Variants in B3GNT3 observed in about 807,000 individuals in gnomAD.
B3GNT3 encodes the protein N-acetyllactosaminide beta-1,3-N-acetylglucosaminyltransferase 3.
In B3GNT3, 7 loss-of-function variants were observed where a neutral mutation model predicts 11.6. That is an observed-to-expected ratio of 0.60 (90% CI 0.34 to 1.13). The LOEUF (loss-of-function observed/expected upper bound fraction) is 1.13. Among genes scored for constraint, B3GNT3 ranks in the 50% most tolerant of loss-of-function variants. The pLI is 0.03. For missense variants in B3GNT3, 400 were observed against 507.4 expected, an observed-to-expected ratio of 0.79 and a Z score of 2.03; for synonymous variants, 201 against 222.1, an observed-to-expected ratio of 0.90 and a Z score of 0.85.
intron 1 of B3GNT3, among the ~76,000 whole-genome samples, chr19:17,799,646 G>T (rs2094163601): frequency 6.6e-6 from 1 of 151,998 alleles, no homozygotes; most frequent in Non-Finnish European, 1.5e-5. Flanking sequence ...TGGAAGGTCA[G>T]TAGCTGGGTC....
At chr19:17,800,817 A>G (rs2094165202) in intron 1 of B3GNT3, among the ~76,000 whole-genome samples, 2 of 151,964 alleles carry the variant, frequency 1.3e-5, no homozygotes, top group Middle Eastern at 3.4e-3. Flanking sequence ...AAATACAAAA[A>G]TTAGCCGGGT....
intron 2 of B3GNT3, among the ~76,000 whole-genome samples, chr19:17,809,310 A>G (rs1806715174): frequency 6.6e-6 from 1 of 151,378 alleles, no homozygotes; most frequent in African/African-American, 2.4e-5. Flanking sequence ...TTGGTGGCTC[A>G]TGCCTGTAAT....
intron 1 of B3GNT3, 46 bp from the exon 2 acceptor site, chr19:17,807,712 A>C (rs2094174944): frequency 8.1e-7 from 1 of 1,230,846 alleles, no homozygotes; most frequent in Non-Finnish European, 1.1e-6. Context: ...CCACAGGAAA[A>C]GCGCTTTGCT....
chr19:17,804,240 C>CTTTTTTTTTTTTTTTTTTTTTTTTT (rs773524591), intron 1 of B3GNT3, among the ~76,000 whole-genome samples: 1 of 112,188 alleles, frequency 8.9e-6, no homozygotes, highest in Non-Finnish European at 1.8e-5. Flanking sequence ...TCTTTTTTTT[C>CTTTTTTTTTTTTTTTTTTTTTTTTT]TTTTTTTTTT....
At position 17,811,949 on chromosome 19, in the gene B3GNT3, G is replaced by A. The variant is rs199889880; in HGVS notation, c.946G>A (p.Gly316Ser). 84 of 1,611,010 alleles carry A rather than the reference G, an allele frequency of 5.2e-5. No homozygotes were observed. Among genetic ancestry groups the A allele is most frequent in the Non-Finnish European group, 6.8e-5 (80 of 1,180,010 alleles). The change falls in exon 3 of 3, where the codon GGC becomes AGC. Residue 316 changes from glycine (G) to serine (S), a missense_variant. By Grantham distance (56) the Gly-to-Ser change is moderately conservative. Transcript: ENST00000318683. This position sits in a 1 kb window ranked among gnomAD's most constrained non-coding sequence, Gnocchi z 4.1. ...GGGACTGAAGCCTGCCTCCCACAGC[G>A]GCATCCGCACGTCTGGCGTGCGGGC... ...LEGLKPASHSGIRTSGVRAPS... is the reference protein window; with the variant it reads ...LEGLKPASHSSIRTSGVRAPS...
chr19:17,805,804 AT>A (rs578162993), intron 1 of B3GNT3, among the ~76,000 whole-genome samples: 29 of 147,796 alleles, frequency 2.0e-4, no homozygotes, highest in South Asian at 6.4e-4. Flanking sequence ...ATCATTTACA[AT>A]TTTTTTTTTT....
In B3GNT3 at chr19:17,811,988, C is replaced by G. The variant is rs765094386; in HGVS notation, c.985C>G (p.Leu329Val). 1 of 1,603,266 alleles carries G rather than the reference C, an allele frequency of 6.2e-7. No homozygotes were observed. Among genetic ancestry groups the G allele is most frequent in the Non-Finnish European group, 8.5e-7 (1 of 1,179,982 alleles). ...TSGVRAPSQR[L>V]SSFDPCFYRD... ...TGGCGTGCGGGCTCCATCGCAACGC[C>G]TGTCCTCCTTTGACCCCTGCTTCTA... The change falls in exon 3 of 3, where the codon CTG (leucine) becomes GTG (valine). Residue 329 changes from leucine to valine, a missense_variant. Transcript: ENST00000318683. The surrounding 1 kb of genome is among the most constrained non-coding windows in gnomAD (Gnocchi z 4.1).
chr19:17,809,758 T>A (rs1006887207), intron 2 of B3GNT3, among the ~76,000 whole-genome samples: 1 of 151,950 alleles, frequency 6.6e-6, no homozygotes, highest in Non-Finnish European at 1.5e-5. Flanking sequence ...CTCGTCTCTA[T>A]TTTTTTAAAA....
chr19:17,809,173 T>C (rs1046785904), intron 2 of B3GNT3, among the ~76,000 whole-genome samples: 47 of 151,874 alleles, frequency 3.1e-4, no homozygotes, highest in African/African-American at 1.0e-3. Context: ...TGTCTCCCCA[T>C]GAGGCTGGGG....
chr19:17,800,512 C>T (rs1416579104), intron 1 of B3GNT3, among the ~76,000 whole-genome samples: 1 of 152,146 alleles, frequency 6.6e-6, no homozygotes, highest in Non-Finnish European at 1.5e-5. Flanking sequence ...GCTGCCAATG[C>T]CTACGATTCT....
At chr19:17,801,249 G>A (rs1222527943) in intron 1 of B3GNT3, among the ~76,000 whole-genome samples, 1 of 151,952 alleles carries the variant, frequency 6.6e-6, no homozygotes, top group African/African-American at 2.4e-5. Context: ...CTGGAGTACT[G>A]TGGCGAGATC....
intron 1 of B3GNT3, among the ~76,000 whole-genome samples, chr19:17,806,598 G>A (rs1371659107): frequency 6.6e-6 from 1 of 152,104 alleles, no homozygotes; most frequent in Non-Finnish European, 1.5e-5. Context: ...GGTGTTGGAA[G>A]GGAGTCTCCC....
Position 17,811,191 on chromosome 19 carries a change from G to T in B3GNT3, c.568-380G>T, listed in dbSNP as rs544905992. ...ATCATAGCGCTACACTCTAGCCTGG[G>T]CAATAGAGCAAGACCCTGTCTCAGA... is the stretch of plus-strand genomic sequence containing the variant. On this transcript the variant is annotated intron_variant, in intron 2 of 2. Transcript: ENST00000318683. The surrounding 1 kb of genome is among the most constrained non-coding windows in gnomAD (Gnocchi z 4.1). 1.5e-4 allele frequency among the ~76,000 whole-genome samples: 23 copies of T among 152,296 alleles called. No homozygotes were observed. The highest frequency in any genetic ancestry group is 2.6e-4 in the Non-Finnish European group (18 of 68,018).
intron 1 of B3GNT3, among the ~76,000 whole-genome samples, chr19:17,804,405 A>G (rs1309542895): frequency 1.4e-5 from 2 of 147,104 alleles, no homozygotes; most frequent in African/African-American, 5.1e-5. Context: ...ACACCCGGGT[A>G]ATTTTTGTAT....
chr19:17,801,814 A>C (rs1375805393), intron 1 of B3GNT3, among the ~76,000 whole-genome samples: 1 of 151,934 alleles, frequency 6.6e-6, no homozygotes, highest in Non-Finnish European at 1.5e-5. Flanking sequence ...TTGGCTGGGC[A>C]TGGTGGCTCA....
rs367736472 is a variant in B3GNT3, at chr19:17,808,657, A to G, written c.567+283A>G. ...CTTACTTGGTGTTCGACCTTGGAGG[A>G]GTTCATTCACCTCTCTGTGCCTCAC... On this transcript the variant is annotated intron_variant, in intron 2 of 2. Coordinates refer to ENST00000318683, the MANE Select transcript of B3GNT3 (RefSeq NM_014256.4). Among the ~76,000 whole-genome samples the G allele has an allele frequency of 4.6e-5, 7 of 152,120 alleles. No individual in the cohort carries two copies. In the South Asian group the frequency reaches 1.5e-3, roughly 32 times the overall value.
At chr19:17,798,697 G>A (rs1167775653) in intron 1 of B3GNT3, among the ~76,000 whole-genome samples, 1 of 151,694 alleles carries the variant, frequency 6.6e-6, no homozygotes, top group Non-Finnish European at 1.5e-5. Flanking sequence ...AATTGTGGCT[G>A]GGTGCAGTGG....
At chr19:17,807,522 CAAAATT>C (rs1455370296) in intron 1 of B3GNT3, among the ~76,000 whole-genome samples, 12 of 145,026 alleles carry the variant, frequency 8.3e-5, no homozygotes, top group African/African-American at 3.1e-4. Flanking sequence ...AAAAAAAAAA[CAAAATT>C]AAAAAATTTA....
In B3GNT3 at chr19:17,808,089, G is replaced by A; in HGVS notation, c.282G>A (p.Leu94=). ...LLYRHCRHFP[L]LQDVPPSKCA... ...ACAGACACTGCCGCCACTTTCCCCT[G>A]CTGCAGGACGTGCCCCCCTCTAAGT... is the stretch of plus-strand genomic sequence containing the variant. Residue 94 remains leucine (L), a synonymous_variant, in exon 2 of 3, where the codon CTG becomes CTA. Transcript: ENST00000318683. 6.2e-7 allele frequency: 1 copy of A among 1,613,698 alleles called. No homozygotes were observed. The highest frequency in any genetic ancestry group is 8.5e-7 in the Non-Finnish European group (1 of 1,179,906).
Sources: allele counts gnomAD v4.1 joint callset (sites outside exome capture counted in the v4.1 genomes callset), GRCh38; gene constraint gnomAD v4.1.1; non-coding constraint Gnocchi (gnomAD v3.1); transcripts MANE v1.5; gene names NCBI Gene and HGNC (gene_info 2026-07-23, HGNC 2026-07-21).